Variants in CFAP221 observed in about 807,000 individuals in gnomAD.
The protein encoded by CFAP221 is cilia- and flagella-associated protein 221.
A neutral mutation model predicts 113.1 loss-of-function variants in CFAP221; 97 were observed. That is an observed-to-expected ratio of 0.86 (90% CI 0.73 to 1.02). The LOEUF (loss-of-function observed/expected upper bound fraction) is 1.02. Among genes scored for constraint, CFAP221 ranks in the 50% least tolerant of loss-of-function variants. CFAP221 has a pLI of 0.00. For synonymous variants in CFAP221, 331 were observed against 354.4 expected (o/e 0.93, Z 0.74); for missense variants, 1,025 against 1,013.4 (o/e 1.01, Z -0.16).
chr2:119,561,302 AAAAAT>A (rs955995355), intron 5 of CFAP221, among the ~76,000 whole-genome samples: 1 of 152,190 alleles, frequency 6.6e-6, no homozygotes, highest in African/African-American at 2.4e-5. Context: ...AAAAAAATAA[AAAAAT>A]AAAAACAAAA....
intron 8 of CFAP221, among the ~76,000 whole-genome samples, chr2:119,603,507 C>T (rs1684505759): frequency 6.6e-6 from 1 of 152,192 alleles, no homozygotes; most frequent in South Asian, 2.1e-4. Context: ...AGGTTGCTAA[C>T]ATAAGTTCCA....
Position 119,638,985 on chromosome 2 carries a change from C to T in CFAP221, c.2133+568C>T, listed in dbSNP as rs570144161. 2.0e-5 allele frequency among the ~76,000 whole-genome samples: 3 copies of T among 152,174 alleles called. No homozygotes were observed. The East Asian group carries it at 5.8e-4, about 30-fold the overall frequency. On this transcript the variant is annotated intron_variant, in intron 20 of 23. Coordinates refer to ENST00000413369, the MANE Select transcript of CFAP221 (RefSeq NM_001271049.2). ...CAACTGCCTCCTCTTCCTGTGTCAC[C>T]TACTTGCCTTTCTGTTTTATGGACT... is the stretch of plus-strand genomic sequence containing the variant.
intron 6 of CFAP221, among the ~76,000 whole-genome samples, chr2:119,566,083 G>A (rs1043593784): frequency 2.6e-5 from 4 of 152,136 alleles, no homozygotes; most frequent in East Asian, 3.9e-4. Context: ...GGGATGACCC[G>A]GCTTGGTTGA....
intron 16 of CFAP221, among the ~76,000 whole-genome samples, chr2:119,628,294 GGTGTGTGTGT>G (rs70949303): frequency 1.5e-5 from 2 of 137,490 alleles, no homozygotes; most frequent in African/African-American, 2.8e-5. Context: ...CTCTCTGGGG[GGTGTGTGTGT>G]GTGTGTGTGT....
Position 119,559,732 on chromosome 2 carries a change from T to A in CFAP221, c.284T>A (p.Leu95Ter). The change falls in exon 4 of 24, where the codon TTA becomes TAA. Residue 95 changes from leucine (L) to a stop codon, truncating the protein, a stop_gained. Transcript: ENST00000413369. LOFTEE classifies it high-confidence loss of function. The part of the protein sequence containing the change: ...VSNEDTRVHI[L>*]PPQTKYFEIN... ...AATGAAGACACACGTGTTCATATTT[T>A]ACCCCCGCAAACCAAATACTTTGAG... The A allele has an allele frequency of 6.5e-7, 1 of 1,533,118 alleles. No homozygotes were observed. Among genetic ancestry groups the A allele is most frequent in the Non-Finnish European group, 8.7e-7 (1 of 1,144,202 alleles). The allele number at this position is 1,533,118 out of a possible 1,614,324, so 95.0% of individuals were successfully genotyped here.
chr2:119,652,184 C>T (rs1688169818), intron 23 of CFAP221, 115 bp downstream of exon 23: 1 of 667,828 alleles, frequency 1.5e-6, no homozygotes, highest in Admixed American at 3.4e-5. Flanking sequence ...TTGAAAGAGA[C>T]ACATTTCTGG....
intron 6 of CFAP221, among the ~76,000 whole-genome samples, chr2:119,583,862 A>G (rs886291971): frequency 3.3e-5 from 5 of 152,354 alleles, no homozygotes; most frequent in East Asian, 3.9e-4. Flanking sequence ...ATGGTCATCT[A>G]TGAACCAGGA....
At position 119,629,896 on chromosome 2, in the gene CFAP221, G is replaced by T; in HGVS notation, c.1672G>T (p.Val558Phe). 6.2e-7 allele frequency: 1 copy of T among 1,613,512 alleles called. No homozygotes were observed. The highest frequency in any genetic ancestry group is 8.5e-7 in the Non-Finnish European group (1 of 1,179,522). ...TTAGGCTCCTGATGGCCTTGGACTG[G>T]TCCCAATTAAGTCTTCAGAAGTTCA... is the stretch of plus-strand genomic sequence containing the variant. ...NELAPDGLGL[V>F]PIKSSEVQIK... Residue 558 changes from valine to phenylalanine, a missense_variant, in exon 17 of 24, where the codon GTC (valine) becomes TTC (phenylalanine). Transcript: ENST00000413369.
At chr2:119,638,203 T>G in intron 19 of CFAP221, 56 bp from the exon 20 acceptor site, 1 of 1,577,062 alleles carries the variant, frequency 6.3e-7, no homozygotes, top group Non-Finnish European at 8.7e-7. Context: ...GCCTGTCCTA[T>G]GCCTGGCTTA....
At chr2:119,657,444 A>G (rs1173073916), downstream of CFAP221, among the ~76,000 whole-genome samples, 1 of 152,226 alleles carries the variant, frequency 6.6e-6, no homozygotes, top group Non-Finnish European at 1.5e-5. Context: ...ACAAGAGCTC[A>G]AACATGAAAG....
chr2:119,582,392 T>A (rs1352375478), intron 6 of CFAP221, among the ~76,000 whole-genome samples: 1 of 151,990 alleles, frequency 6.6e-6, no homozygotes, highest in Non-Finnish European at 1.5e-5. Context: ...CACACTGTAT[T>A]TGGGAGGATA....
At position 119,587,145 on chromosome 2, in the gene CFAP221, G is replaced by A. The variant is rs767807336; in HGVS notation, c.554G>A (p.Cys185Tyr). The part of the protein sequence containing the change: ...ESKTYVIPLQ[C>Y]SCPVDFEFYI... ...AAAACTTATGTTATTCCTTTGCAGTGCAGCTGCCCTGTAGATTTTGAGTTT... is the reference window on the plus strand; with the variant it reads ...AAAACTTATGTTATTCCTTTGCAGTACAGCTGCCCTGTAGATTTTGAGTTT... Residue 185 changes from cysteine to tyrosine, a missense_variant, in exon 7 of 24, where the codon TGC becomes TAC. Transcript: ENST00000413369. 8.0e-5 allele frequency: 122 copies of A among 1,528,284 alleles called. No homozygotes were observed. Among genetic ancestry groups the A allele is most frequent in the Non-Finnish European group, 1.0e-4 (116 of 1,143,232 alleles). 94.7% of individuals were successfully genotyped at this position (1,528,284 alleles called of 1,614,324 possible). A position where few individuals can be genotyped will look rare whatever the true frequency, so the allele number is the denominator to read the frequency against.
chr2:119,652,113 GA>G lies in CFAP221; in HGVS notation c.2414+47del, dbSNP rs1391658854. On this transcript the variant is annotated intron_variant, in intron 23 of 23. Coordinates refer to ENST00000413369, the MANE Select transcript of CFAP221 (RefSeq NM_001271049.2). ...GCCTTATTAAAAGGTAATCTTGGAT[GA>G]AATTTGTTCTGCATAAAGTACAAAA... is the stretch of plus-strand genomic sequence containing the variant. The G allele has an allele frequency of 2.0e-6, 3 of 1,511,974 alleles. No individual in the cohort carries two copies. In the South Asian group the frequency reaches 3.5e-5, roughly 18 times the overall value. 93.7% of individuals were successfully genotyped at this position (1,511,974 alleles called of 1,614,324 possible). A position where few individuals can be genotyped will look rare whatever the true frequency, so the allele number is the denominator to read the frequency against.
chr2:119,553,042 A>G (rs1050362080), intron 3 of CFAP221, among the ~76,000 whole-genome samples: 1 of 152,218 alleles, frequency 6.6e-6, no homozygotes, highest in African/African-American at 2.4e-5. Flanking sequence ...ATGCTAAGAT[A>G]AATAAAATCA....
At chr2:119,590,419 T>C (rs1313741529) in intron 7 of CFAP221, among the ~76,000 whole-genome samples, 1 of 152,164 alleles carries the variant, frequency 6.6e-6, no homozygotes, top group Non-Finnish European at 1.5e-5. Context: ...TAGCAAAGAA[T>C]GAATCCCCAT....
intron 15 of CFAP221, among the ~76,000 whole-genome samples, chr2:119,627,014 G>A (rs1686356879): frequency 6.6e-6 from 1 of 151,260 alleles, no homozygotes; most frequent in Admixed American, 6.6e-5. Flanking sequence ...GGTAGCTTCT[G>A]GGAGCCCAAA....
intron 21 of CFAP221, among the ~76,000 whole-genome samples, chr2:119,645,446 C>T (rs1331990965): frequency 6.7e-6 from 1 of 150,142 alleles, no homozygotes; most frequent in Non-Finnish European, 1.5e-5. Context: ...TTTTTCCCTT[C>T]TGTCTTATAC....
intron 15 of CFAP221, 45 bp from the exon 16 acceptor site, chr2:119,627,608 A>C (rs991430715): frequency 6.3e-7 from 1 of 1,582,926 alleles, no homozygotes; most frequent in Non-Finnish European, 8.6e-7. Flanking sequence ...TTCCCATAAA[A>C]ATACCTTTAG....
intron 21 of CFAP221, 120 bp from the exon 22 acceptor site, chr2:119,646,838 G>C: frequency 1.3e-6 from 1 of 779,314 alleles, no homozygotes; most frequent in Non-Finnish European, 2.0e-6. Context: ...AAGAGTGAGG[G>C]AGGACAGAGT....
Sources: gnomAD v4.1 joint callset for allele counts (sites outside exome capture counted in the v4.1 genomes callset) on GRCh38, gnomAD v4.1.1 for gene constraint, MANE v1.5 for transcripts, NCBI Gene and HGNC (gene_info 2026-07-23, HGNC 2026-07-21) for gene names.